MYO3B: variants seen among roughly 807,000 people sequenced by gnomAD.
MYO3B encodes the protein myosin IIIB, also known as myosin-IIIb.
Under a neutral mutation model 174.6 loss-of-function variants are expected in MYO3B, and 156 were observed. The observed-to-expected ratio is 0.89, with a 90% confidence interval of 0.78 to 1.02. The LOEUF is 1.02. Ranked by LOEUF, MYO3B falls within the 50% of genes least tolerant of loss-of-function variation. MYO3B has a pLI of 0.00. For synonymous variants in MYO3B, 563 were observed against 569.1 expected (o/e 0.99, Z 0.15); for missense variants, 1,632 against 1,639.4 (o/e 1.00, Z 0.08).
intron 3 of MYO3B, among the ~76,000 whole-genome samples, chr2:170,209,520 A>T (rs562743344): frequency 6.6e-6 from 1 of 152,226 alleles, no homozygotes; most frequent in South Asian, 2.1e-4. Context: ...CTTTTTTCCA[A>T]TGTCACAATC....
chr2:170,506,375 A>C (rs768653778), intron 28 of MYO3B, among the ~76,000 whole-genome samples: 2 of 152,224 alleles, frequency 1.3e-5, no homozygotes, highest in Non-Finnish European at 2.9e-5. Context: ...CTTTAGCATC[A>C]TCAGTGGGTT....
intron 30 of MYO3B, among the ~76,000 whole-genome samples, chr2:170,521,909 G>C (rs542684786): frequency 3.3e-5 from 5 of 152,256 alleles, no homozygotes; most frequent in Admixed American, 1.3e-4. Context: ...ACAGCTCCCA[G>C]TTGCTAGAGC....
At position 170,392,768 on chromosome 2, in the gene MYO3B, GGGAGCACT is replaced by G. The variant is rs1404010626; in HGVS notation, c.1791+275_1791+282del. On this transcript the variant is annotated intron_variant, in intron 16 of 34. Coordinates refer to ENST00000408978, the MANE Select transcript of MYO3B (RefSeq NM_138995.5). ...GAAGTCCAGATGAACATCAAACTAG[GGGAGCACT>G]GTTTTAAGGACCATGTGCTGATAAA... Among the ~76,000 whole-genome samples, 3 of 152,224 alleles carry G rather than the reference GGGAGCACT, an allele frequency of 2.0e-5. No individual in the cohort carries two copies. In the East Asian group the frequency reaches 5.8e-4, roughly 29 times the overall value.
chr2:170,459,996 C>T (rs780029533), intron 23 of MYO3B, among the ~76,000 whole-genome samples: 5 of 152,096 alleles, frequency 3.3e-5, no homozygotes, highest in African/African-American at 4.8e-5. Context: ...GTTCCCAGCC[C>T]GTACCTCTCC....
chr2:170,638,906 G>A (rs1697742702), intron 32 of MYO3B, among the ~76,000 whole-genome samples: 1 of 152,132 alleles, frequency 6.6e-6, no homozygotes, highest in Non-Finnish European at 1.5e-5. Flanking sequence ...TGAACTATGT[G>A]TGCCGGGGTC....
chr2:170,272,642 T>C (rs144870385), intron 7 of MYO3B, among the ~76,000 whole-genome samples: 197 of 152,258 alleles, frequency 1.3e-3, no homozygotes, highest in African/African-American at 4.6e-3. Flanking sequence ...TGTTGAGAAC[T>C]TAATCCCCCG....
chr2:170,466,741 T>C (rs762282496), intron 25 of MYO3B, 30 bp downstream of exon 25: 2 of 1,605,986 alleles, frequency 1.2e-6, no homozygotes, highest in East Asian at 2.2e-5. Context: ...GAATGCATTC[T>C]TATAAATGTA....
At chr2:170,619,182 A>G (rs1166823093) in intron 32 of MYO3B, among the ~76,000 whole-genome samples, 1 of 152,096 alleles carries the variant, frequency 6.6e-6, no homozygotes, top group Non-Finnish European at 1.5e-5. Context: ...GCATCCGTTT[A>G]TAGGCTCTCC....
chr2:170,402,442 G>A (rs1025005125), intron 18 of MYO3B, among the ~76,000 whole-genome samples: 4 of 151,904 alleles, frequency 2.6e-5, no homozygotes, highest in African/African-American at 7.3e-5. Flanking sequence ...TTTCCTAGGC[G>A]TAGTGGTTTC....
chr2:170,377,256 C>T (rs2094300715), intron 9 of MYO3B, among the ~76,000 whole-genome samples: 1 of 152,198 alleles, frequency 6.6e-6, no homozygotes, highest in South Asian at 2.1e-4. Flanking sequence ...AGCTGCAACA[C>T]TTTAGGAGTT....
chr2:170,294,682 T>G (rs1229478455), intron 7 of MYO3B, among the ~76,000 whole-genome samples: 1 of 152,168 alleles, frequency 6.6e-6, no homozygotes, highest in African/African-American at 2.4e-5. Flanking sequence ...TCATACTCAT[T>G]GAAACTACCC....
intron 23 of MYO3B, 72 bp downstream of exon 23, chr2:170,444,118 G>A (rs1235158762): frequency 6.6e-6 from 9 of 1,361,986 alleles, no homozygotes; most frequent in Non-Finnish European, 8.4e-6. Flanking sequence ...ATCTTAGAGT[G>A]GGCAGCATTA....
intron 7 of MYO3B, among the ~76,000 whole-genome samples, chr2:170,313,376 T>TA (rs890192801): frequency 2.0e-5 from 3 of 151,800 alleles, no homozygotes; most frequent in Non-Finnish European, 2.9e-5. Context: ...ATATACATAC[T>TA]AAAAAAAATA....
chr2:170,294,872 A>G (rs1184563184), intron 7 of MYO3B, among the ~76,000 whole-genome samples: 1 of 152,130 alleles, frequency 6.6e-6, no homozygotes, highest in African/African-American at 2.4e-5. Context: ...GGCTATGCAC[A>G]TATAAAGTAG....
chr2:170,635,635 G>T (rs1276322599), intron 32 of MYO3B, among the ~76,000 whole-genome samples: 1 of 151,964 alleles, frequency 6.6e-6, no homozygotes, highest in African/African-American at 2.4e-5. Context: ...ATATATTAAC[G>T]ATCCTCACAG....
intron 6 of MYO3B, among the ~76,000 whole-genome samples, chr2:170,218,595 C>A (rs116061016): frequency 6.6e-6 from 1 of 152,152 alleles, no homozygotes; most frequent in Non-Finnish European, 1.5e-5. Context: ...ACGTACCATG[C>A]GGCTACTCAG....
chr2:170,230,335 A>ATTTTT (rs1206021496), intron 6 of MYO3B, among the ~76,000 whole-genome samples: 1 of 17,746 alleles, frequency 5.6e-5, no homozygotes, highest in African/African-American at 1.4e-4. Context: ...ACGCCTGGCT[A>ATTTTT]ATTTTTTTTT....
chr2:170,337,589 T>G (rs547133028), intron 8 of MYO3B, among the ~76,000 whole-genome samples: 1 of 152,290 alleles, frequency 6.6e-6, no homozygotes, highest in South Asian at 2.1e-4. Context: ...CACAACGCAG[T>G]TGACTCTTAA....
At chr2:170,335,837 G>A (rs931408229) in intron 8 of MYO3B, among the ~76,000 whole-genome samples, 1 of 152,116 alleles carries the variant, frequency 6.6e-6, no homozygotes, top group Middle Eastern at 3.2e-3. Flanking sequence ...TGTGAAAGTT[G>A]GGCTTCCTCT....
Sources: allele counts gnomAD v4.1 joint callset (sites outside exome capture counted in the v4.1 genomes callset), GRCh38; gene constraint gnomAD v4.1.1; transcripts MANE v1.5; gene names NCBI Gene and HGNC (gene_info 2026-07-23, HGNC 2026-07-21).